MED25: variants seen among roughly 807,000 people sequenced by gnomAD.
The protein encoded by MED25 is mediator complex subunit 25.
A neutral mutation model predicts 89.4 loss-of-function variants in MED25; 62 were observed. The ratio of observed to expected loss-of-function variants is 0.69; its 90% CI spans 0.57 to 0.86. The LOEUF (loss-of-function observed/expected upper bound fraction) is 0.86. MED25 is among the 40% of genes least tolerant of loss of function. MED25 has a pLI of 0.00. For missense variants in MED25, 905 were observed against 1,005.2 expected, an observed-to-expected ratio of 0.90 and a Z score of 1.35; for synonymous variants, 449 against 427.9, an observed-to-expected ratio of 1.05 and a Z score of -0.61.
intron 4 of MED25, 94 bp downstream of exon 4, chr19:49,828,641 T>C (rs1268139835): frequency 1.8e-6 from 2 of 1,086,600 alleles, no homozygotes; most frequent in East Asian, 4.8e-5. Flanking sequence ...AGCCTCACCC[T>C]GTAGGGCATG....
chr19:49,830,957 G>A lies in MED25; in HGVS notation c.1101+70G>A. 6.6e-7 allele frequency: 1 copy of A among 1,516,376 alleles called. No homozygotes were observed. Among genetic ancestry groups the A allele is most frequent in the Non-Finnish European group, 9.0e-7 (1 of 1,105,166 alleles). 93.9% of individuals were successfully genotyped at this position (1,516,376 alleles called of 1,614,324 possible). ...TCCACAGCTAGGACAGTTAGAGGATGAGTCATTTGCCTTCCAGGGGGATGT... is the reference window on the plus strand; with the variant it reads ...TCCACAGCTAGGACAGTTAGAGGATAAGTCATTTGCCTTCCAGGGGGATGT... On this transcript the variant is annotated intron_variant, in intron 9 of 17. Coordinates refer to ENST00000312865, the MANE Select transcript of MED25 (RefSeq NM_030973.4). The surrounding 1 kb of genome is among the most constrained non-coding windows in gnomAD (Gnocchi z 4.6).
intron 12 of MED25, 34 bp from the exon 13 acceptor site, chr19:49,832,274 C>G: frequency 6.5e-7 from 1 of 1,542,352 alleles, no homozygotes. Context: ...CTTGCCCACA[C>G]CAGCATGCCA....
chr19:49,820,213 C>T (rs972157153), intron 3 of MED25, among the ~76,000 whole-genome samples: 6 of 152,196 alleles, frequency 3.9e-5, no homozygotes, highest in East Asian at 3.8e-4. Flanking sequence ...AGCCGACTCA[C>T]GTCCAAAGAC....
Position 49,831,955 on chromosome 19 carries a change from T to A in MED25, c.1250T>A (p.Val417Glu). The stretch of plus-strand genomic sequence containing the variant: ...CCTCAGAAACCCAAACCTGCCTCAG[T>A]GGATGCCAACACCAAGCTGACGCGG... ...EWQEKPKPAS[V>E]DANTKLTRSL... The change falls in exon 11 of 18, where the codon GTG becomes GAG. Residue 417 changes from valine to glutamate, a missense_variant. Val to Glu is a moderately radical substitution (Grantham distance 121). This residue lies in a region of MED25 where 133 missense variants were observed against 220.2 expected (regional missense o/e 0.60). Coordinates refer to ENST00000312865, the MANE Select transcript of MED25 (RefSeq NM_030973.4). This position sits in a 1 kb window ranked among gnomAD's most constrained non-coding sequence, Gnocchi z 5.0. 1 of 1,613,986 alleles carries A rather than the reference T, an allele frequency of 6.2e-7. No homozygotes were observed. The highest frequency in any genetic ancestry group is 2.2e-5 in the East Asian group (1 of 44,852).
chr19:49,830,128 G>A lies in MED25; in HGVS notation c.729G>A (p.Gln243=). ...GSAPGPLQSK[Q]PVPLPPAAPS... is the part of the protein sequence containing the mutation. ...CCCCAGGCCCCCTCCAGTCAAAGCA[G>A]CCAGTCCCCCTGCCTCCCGCCGCAC... Residue 243 remains glutamine, a synonymous_variant, in exon 7 of 18, where the codon CAG becomes CAA. Transcript: ENST00000312865. This position sits in a 1 kb window ranked among gnomAD's most constrained non-coding sequence, Gnocchi z 4.6. 6.2e-7 allele frequency: 1 copy of A among 1,608,758 alleles called. No homozygotes were observed.
At chr19:49,821,350 C>T (rs182936829) in intron 3 of MED25, among the ~76,000 whole-genome samples, 3 of 152,312 alleles carry the variant, frequency 2.0e-5, no homozygotes, top group African/African-American at 7.2e-5. Context: ...GGCTCAGTCA[C>T]GGCTCACTGC....
In MED25 at chr19:49,828,463, G is replaced by A; in HGVS notation, c.320G>A (p.Gly107Asp). 6.2e-7 allele frequency: 1 copy of A among 1,613,874 alleles called. No homozygotes were observed. The highest frequency in any genetic ancestry group is 8.5e-7 in the Non-Finnish European group (1 of 1,179,796). Residue 107 changes from glycine (G) to aspartate (D), a missense_variant, in exon 4 of 18, where the codon GGT becomes GAT. Around this residue, in one of 3 missense-constraint regions of MED25, gnomAD observed 501 missense variants for 526.9 expected, o/e 0.95. Transcript: ENST00000312865. ...TGCCCCTGCAGGTTCATGGGCGGGG[G>A]TGGTGAGAGCTGCAGCCTCATCGCG... is the stretch of plus-strand genomic sequence containing the variant. ...WLDGIKFMGG[G>D]GESCSLIAEG...
intron 4 of MED25, 110 bp downstream of exon 4, chr19:49,828,657 T>G: frequency 9.8e-7 from 1 of 1,015,904 alleles, no homozygotes; most frequent in Non-Finnish European, 1.5e-6. Flanking sequence ...GCATGGGCTC[T>G]GTGTCCCCAA....
rs1368221306 is a variant in MED25, at chr19:49,830,144, C to T, written c.745C>T (p.Pro249Ser). The change falls in exon 7 of 18, where the codon CCC (proline) becomes TCC (serine). Residue 249 changes from proline (P) to serine (S), a missense_variant. Around this residue, in one of 3 missense-constraint regions of MED25, gnomAD observed 501 missense variants for 526.9 expected, o/e 0.95. Transcript: ENST00000312865. This position sits in a 1 kb window ranked among gnomAD's most constrained non-coding sequence, Gnocchi z 4.6. ...LQSKQPVPLP[P>S]AAPSGATLSA... ...GTCAAAGCAGCCAGTCCCCCTGCCT[C>T]CCGCCGCACCCTCAGGTGCCACTCT... 1.2e-6 allele frequency: 2 copies of T among 1,606,130 alleles called. No homozygotes were observed. The highest frequency in any genetic ancestry group is 1.7e-6 in the Non-Finnish European group (2 of 1,174,806).
chr19:49,836,541 G>A lies in MED25; in HGVS notation c.2146+135G>A, dbSNP rs758508582. ...ATGAGGGTTCCCCCATGGCCTTTGC[G>A]GAGCTCTGAGGGCTCCGGGAAAGTA... On this transcript the variant is annotated intron_variant, in intron 17 of 17. Transcript: ENST00000312865. This position sits in a 1 kb window ranked among gnomAD's most constrained non-coding sequence, Gnocchi z 5.1. 4.3e-5 allele frequency: 48 copies of A among 1,117,482 alleles called. No homozygotes were observed. Among genetic ancestry groups the A allele is most frequent in the Non-Finnish European group, 6.0e-5 (45 of 752,694 alleles). The allele number at this position is 1,117,482 out of a possible 1,614,324, so 69.2% of individuals were successfully genotyped here.
At chr19:49,838,792 A>G (rs1376526217), downstream of MED25, 2 of 452,858 alleles carry the variant, frequency 4.4e-6, no homozygotes, top group Non-Finnish European at 8.9e-6. Context: ...TGCCATCCTC[A>G]ACGAACTGAA....
At chr19:49,818,545 CG>C (rs780280982) in intron 1 of MED25, 25 bp from the exon 2 acceptor site, 2 of 1,614,104 alleles carry the variant, frequency 1.2e-6, no homozygotes, top group African/African-American at 2.7e-5. Flanking sequence ...TGCCTGACTC[CG>C]ACCTTTCACT....
In MED25 at chr19:49,834,533, G is replaced by C. The variant is rs1205906452; in HGVS notation, c.1483-453G>C. 2 of 253,584 alleles carry C rather than the reference G, an allele frequency of 7.9e-6. No individual in the cohort carries two copies. Among genetic ancestry groups the C allele is most frequent in the Non-Finnish European group, 1.6e-5 (2 of 127,116 alleles). The allele number at this position is 253,584 out of a possible 1,614,324, so 15.7% of individuals were successfully genotyped here. On this transcript the variant is annotated intron_variant, in intron 13 of 17. Transcript: ENST00000312865. The surrounding 1 kb of genome is among the most constrained non-coding windows in gnomAD (Gnocchi z 4.1). ...CTGTGATGTGGGAGCACTCCCCGTG[G>C]TGTACACTGGCCGGTGCTGAGGGCT...
At chr19:49,832,507 G>A (rs992071986) in intron 13 of MED25, 92 bp downstream of exon 13, 22 of 804,572 alleles carry the variant, frequency 2.7e-5, no homozygotes, top group South Asian at 7.2e-5. Context: ...CTGGGCCCAC[G>A]GAAGCCGTTT....
chr19:49,836,504 T>A lies in MED25; in HGVS notation c.2146+98T>A. The A allele has an allele frequency of 7.1e-7, 1 of 1,416,726 alleles. No homozygotes were observed. The highest frequency in any genetic ancestry group is 9.8e-7 in the Non-Finnish European group (1 of 1,025,530). 87.8% of individuals were successfully genotyped at this position (1,416,726 alleles called of 1,614,324 possible). A position where few individuals can be genotyped will look rare whatever the true frequency, so the allele number is the denominator to read the frequency against. On this transcript the variant is annotated intron_variant, in intron 17 of 17. Transcript: ENST00000312865. This position sits in a 1 kb window ranked among gnomAD's most constrained non-coding sequence, Gnocchi z 5.1. ...CGAGTGCTCCTGGGAAGTAAAGACA[T>A]AGGATCCAAGAATGAGGGTTCCCCC...
At chr19:49,839,926 T>C (rs985493551), downstream of MED25, 1 of 152,224 alleles carries the variant, frequency 6.6e-6, no homozygotes, top group African/African-American at 2.4e-5. Context: ...AGACCATAAA[T>C]AGTAATTGAA....
In MED25 at chr19:49,830,611, G is replaced by A. The variant is rs2074048320; in HGVS notation, c.907+13G>A. On this transcript the variant is annotated intron_variant, in intron 8 of 17. Transcript: ENST00000312865. This position sits in a 1 kb window ranked among gnomAD's most constrained non-coding sequence, Gnocchi z 4.6. ...CTGGGCCCTCGCTGTGAGTCCTGGAGTGAGGATGAAGGGCGGGCAGGGGCC... is the reference window on the plus strand; with the variant it reads ...CTGGGCCCTCGCTGTGAGTCCTGGAATGAGGATGAAGGGCGGGCAGGGGCC... The A allele has an allele frequency of 2.5e-6, 4 of 1,614,000 alleles. No homozygotes were observed. Among genetic ancestry groups the A allele is most frequent in the Admixed American group, 3.3e-5 (2 of 60,004 alleles).
chr19:49,826,682 T>C (rs140451863), intron 3 of MED25, among the ~76,000 whole-genome samples: 108 of 152,160 alleles, frequency 7.1e-4, no homozygotes, highest in Non-Finnish European at 1.2e-3. Context: ...ATCTATGATG[T>C]GACTAAGGGC....
intron 3 of MED25, among the ~76,000 whole-genome samples, chr19:49,824,958 C>T (rs1298327116): frequency 1.3e-5 from 2 of 152,056 alleles, no homozygotes; most frequent in Non-Finnish European, 2.9e-5. Flanking sequence ...TTGGGAACAC[C>T]AAGTCAGAGC....
Sources: gnomAD v4.1 joint callset for allele counts (sites outside exome capture counted in the v4.1 genomes callset) on GRCh38, gnomAD v4.1.1 for gene constraint, gnomAD v4.1.1 regional missense constraint, Gnocchi (gnomAD v3.1) non-coding constraint, MANE v1.5 for transcripts, NCBI Gene and HGNC (gene_info 2026-07-23, HGNC 2026-07-21) for gene names.